Variants in FBXL20 observed in about 807,000 individuals in gnomAD.
FBXL20 encodes the protein F-box and leucine rich repeat protein 20, also known as F-box/LRR-repeat protein 20.
FBXL20 carries 11 observed loss-of-function variants against 64.0 expected under a neutral mutation model. The observed-to-expected ratio is 0.17, with a 90% CI of 0.11 to 0.28. The LOEUF is 0.28. Ranked by LOEUF, FBXL20 falls within the 10% of genes least tolerant of loss-of-function variation. FBXL20 has a pLI of 1.00. For missense variants in FBXL20, 303 were observed against 526.2 expected, an observed-to-expected ratio of 0.58 and a Z score of 4.15; for synonymous variants, 184 against 189.0, an observed-to-expected ratio of 0.97 and a Z score of 0.22.
chr17:39,314,812 T>C (rs1486881718), intron 2 of FBXL20, among the ~76,000 whole-genome samples: 1 of 150,022 alleles, frequency 6.7e-6, no homozygotes, highest in Non-Finnish European at 1.5e-5. Context: ...TTTTTTTTTT[T>C]TGAAATGGAG....
chr17:39,275,743 G>C (rs1597768160), intron 9 of FBXL20, among the ~76,000 whole-genome samples: 1 of 151,808 alleles, frequency 6.6e-6, no homozygotes, highest in Non-Finnish European at 1.5e-5. Context: ...AAAAAGATAA[G>C]GATATAAGTA....
At chr17:39,374,807 G>T (rs1385285941) in intron 1 of FBXL20, among the ~76,000 whole-genome samples, 1 of 151,720 alleles carries the variant, frequency 6.6e-6, no homozygotes, top group Non-Finnish European at 1.5e-5. Flanking sequence ...TTTTTTCCCT[G>T]AGATGGAGTC....
chr17:39,279,323 C>A (rs1333326023), intron 9 of FBXL20, among the ~76,000 whole-genome samples: 1 of 150,680 alleles, frequency 6.6e-6, no homozygotes, highest in Non-Finnish European at 1.5e-5. Flanking sequence ...CATAGGGAGA[C>A]CCTATCTCTA....
chr17:39,315,365 G>A (rs748388123), intron 2 of FBXL20, among the ~76,000 whole-genome samples: 1 of 143,148 alleles, frequency 7.0e-6, no homozygotes, highest in Non-Finnish European at 1.5e-5. Context: ...CAGGAGGGAA[G>A]ATTATTAATG....
chr17:39,266,991 G>C (rs910732194), intron 12 of FBXL20, among the ~76,000 whole-genome samples: 1 of 152,076 alleles, frequency 6.6e-6, no homozygotes, highest in Non-Finnish European at 1.5e-5. Context: ...GGTAGTTCAC[G>C]CTTGTAATCC....
intron 1 of FBXL20, among the ~76,000 whole-genome samples, chr17:39,359,781 A>G (rs1252562176): frequency 1.3e-5 from 2 of 152,312 alleles, no homozygotes; most frequent in Admixed American, 6.5e-5. Context: ...GGCAATTCCT[A>G]TTCTTATTCC....
At chr17:39,278,078 A>G (rs564667142) in intron 9 of FBXL20, among the ~76,000 whole-genome samples, 2 of 149,150 alleles carry the variant, frequency 1.3e-5, no homozygotes, top group African/African-American at 5.2e-5. Context: ...ATGTGTGTGT[A>G]TGTAATGTGT....
chr17:39,321,424 C>T (rs1358431484), intron 2 of FBXL20, among the ~76,000 whole-genome samples: 3 of 149,622 alleles, frequency 2.0e-5, no homozygotes, highest in Non-Finnish European at 3.0e-5. Context: ...CAAGATTGCA[C>T]CATTGCACTC....
chr17:39,278,119 T>C (rs774706001), intron 9 of FBXL20, among the ~76,000 whole-genome samples: 1 of 152,208 alleles, frequency 6.6e-6, no homozygotes, highest in Non-Finnish European at 1.5e-5. Flanking sequence ...TATGTGCATA[T>C]ATATGTGCTT....
At chr17:39,309,917 A>G (rs916388358) in intron 2 of FBXL20, among the ~76,000 whole-genome samples, 2 of 151,632 alleles carry the variant, frequency 1.3e-5, no homozygotes, top group Non-Finnish European at 2.9e-5. Context: ...GGGAGGCTGA[A>G]GAGAGCAGAC....
At position 39,382,159 on chromosome 17, in the gene FBXL20, G is replaced by T. The variant is rs1009278158; in HGVS notation, c.42+19202C>A. 2.1e-5 allele frequency among the ~76,000 whole-genome samples: 3 copies of T among 142,570 alleles called. No homozygotes were observed. The Admixed American group carries it at 2.1e-4, about 10-fold the overall frequency. The allele number at this position is 142,570 out of a possible 152,430, so 93.5% of individuals were successfully genotyped here. On this transcript the variant is annotated intron_variant, in intron 1 of 14. Coordinates refer to ENST00000264658, the MANE Select transcript of FBXL20 (RefSeq NM_032875.3). ...ATTATTGTATTATAAATTAAAAATA[G>T]ATGGCTTGGCGCGGTGGCTCACGCC... is the stretch of plus-strand genomic sequence containing the variant.
intron 1 of FBXL20, among the ~76,000 whole-genome samples, chr17:39,374,626 T>C (rs1004831140): frequency 1.3e-5 from 2 of 152,224 alleles, no homozygotes; most frequent in African/African-American, 2.4e-5. Flanking sequence ...CATCACTGTT[T>C]CTGTTTTTTG....
chr17:39,368,729 C>T (rs2047886031), intron 1 of FBXL20, among the ~76,000 whole-genome samples: 2 of 152,136 alleles, frequency 1.3e-5, no homozygotes, highest in African/African-American at 4.8e-5. Context: ...AATCTTACCT[C>T]ACTGCAACCT....
At chr17:39,310,778 G>A (rs758097818) in intron 2 of FBXL20, among the ~76,000 whole-genome samples, 3 of 152,120 alleles carry the variant, frequency 2.0e-5, no homozygotes, top group Non-Finnish European at 4.4e-5. Context: ...TTGAGGTCAG[G>A]AGCTCAAGAC....
Position 39,300,938 on chromosome 17 carries a change from C to A in FBXL20, c.234+63G>T. ...GAAAATGAGATTAATATGGCTAGGG[C>A]TAATCTGTTCCATGCTGTAATTACT... is the stretch of plus-strand genomic sequence containing the variant. On this transcript the variant is annotated intron_variant, in intron 4 of 14. Transcript: ENST00000264658. 2.7e-6 allele frequency: 4 copies of A among 1,460,398 alleles called. No homozygotes were observed. In the South Asian group the frequency reaches 4.7e-5, roughly 17 times the overall value. The allele number at this position is 1,460,398 out of a possible 1,614,324, so 90.5% of individuals were successfully genotyped here.
At chr17:39,273,391 C>A (rs929424926) in intron 10 of FBXL20, among the ~76,000 whole-genome samples, 18 of 152,160 alleles carry the variant, frequency 1.2e-4, no homozygotes, top group Non-Finnish European at 2.4e-4. Flanking sequence ...TATAGCTTTA[C>A]AATGATTATT....
chr17:39,348,942 G>C (rs920539018), intron 1 of FBXL20, among the ~76,000 whole-genome samples: 2 of 152,026 alleles, frequency 1.3e-5, no homozygotes, highest in Non-Finnish European at 2.9e-5. Context: ...AGATCCTCCT[G>C]CCTCAGCCTC....
chr17:39,288,636 T>A (rs1002895329), intron 6 of FBXL20, among the ~76,000 whole-genome samples: 3 of 152,114 alleles, frequency 2.0e-5, no homozygotes, highest in Admixed American at 6.6e-5. Flanking sequence ...ATTATTTTTT[T>A]AATTTTTTCC....
At chr17:39,354,694 C>T (rs764500030) in intron 1 of FBXL20, among the ~76,000 whole-genome samples, 3 of 152,082 alleles carry the variant, frequency 2.0e-5, no homozygotes, top group Non-Finnish European at 2.9e-5. Flanking sequence ...TTTTTCACTA[C>T]GTATCTCTAT....
Sources: gnomAD v4.1 joint callset for allele counts (sites outside exome capture counted in the v4.1 genomes callset) on GRCh38, gnomAD v4.1.1 for gene constraint, MANE v1.5 for transcripts, NCBI Gene and HGNC (gene_info 2026-07-23, HGNC 2026-07-21) for gene names.